PRH1: variants seen among roughly 807,000 people sequenced by gnomAD.
The protein encoded by PRH1 is salivary acidic proline-rich phosphoprotein 1/2.
Under a neutral mutation model 7.9 loss-of-function variants are expected in PRH1, and 7 were observed. The ratio of observed to expected loss-of-function variants is 0.89; its 90% CI spans 0.50 to 1.67. PRH1 has a LOEUF of 1.67. PRH1 is among the 40% of genes most tolerant of loss of function. The pLI, the probability that PRH1 is intolerant of heterozygous loss-of-function variation, is 0.00. For synonymous variants in PRH1, 45 were observed against 80.8 expected, an observed-to-expected ratio of 0.56 and a Z score of 2.38; for missense variants, 109 against 223.6, an observed-to-expected ratio of 0.49 and a Z score of 3.27.
chr12:10,908,494 T>C, intron 2 of PRH1: 1 of 1,613,916 alleles, frequency 6.2e-7, no homozygotes, highest in Non-Finnish European at 8.5e-7. Flanking sequence ...AAGACTCCAA[T>C]CGTCTCACAA....
chr12:11,070,781 A>C (rs1251728782), intron 1 of PRH1, among the ~76,000 whole-genome samples: 2 of 151,712 alleles, frequency 1.3e-5, no homozygotes, highest in Non-Finnish European at 1.5e-5. Flanking sequence ...ACTGTGGTCC[A>C]TGAGATGGAG....
upstream of PRH1, among the ~76,000 whole-genome samples, chr12:10,889,004 A>G (rs1371868960): frequency 2.6e-5 from 4 of 152,230 alleles, no homozygotes; most frequent in South Asian, 6.2e-4. Flanking sequence ...TCTCTCTTCC[A>G]TCTTCAATGC....
At chr12:11,099,464 TGAG>T (rs1386857997) in intron 1 of PRH1, among the ~76,000 whole-genome samples, 1 of 152,030 alleles carries the variant, frequency 6.6e-6, no homozygotes, top group Non-Finnish European at 1.5e-5. Context: ...TGGAGGAGGC[TGAG>T]GAGGGCAGAT....
chr12:11,132,337 G>GTTT (rs1281501828), intron 1 of PRH1, among the ~76,000 whole-genome samples: 3 of 148,138 alleles, frequency 2.0e-5, no homozygotes, highest in South Asian at 2.1e-4. Context: ...CACATTGACA[G>GTTT]ATTTTTTTTT....
chr12:10,953,380 G>T (rs1284070155), intron 2 of PRH1, among the ~76,000 whole-genome samples: 1 of 152,128 alleles, frequency 6.6e-6, no homozygotes, highest in African/African-American at 2.4e-5. Context: ...AAATGATACA[G>T]AAGACACAAA....
chr12:11,068,301 A>C (rs1223009365), intron 1 of PRH1, among the ~76,000 whole-genome samples: 1 of 152,174 alleles, frequency 6.6e-6, no homozygotes, highest in Non-Finnish European at 1.5e-5. Flanking sequence ...ATATATTAAA[A>C]ATATTTTTCT....
chr12:11,025,339 A>G (rs1319774757), intron 1 of PRH1, among the ~76,000 whole-genome samples: 4 of 152,218 alleles, frequency 2.6e-5, no homozygotes, highest in African/African-American at 4.8e-5. Context: ...ATGAAGGTCT[A>G]CTACTCTTTG....
chr12:10,884,261 A>G, upstream of PRH1: 32 of 1,612,022 alleles, frequency 2.0e-5, no homozygotes, highest in Non-Finnish European at 2.7e-5. Flanking sequence ...GTGCTGGGAG[A>G]AACGTGTCAG....
chr12:10,962,179 A>AT (rs1435836223), intron 2 of PRH1, among the ~76,000 whole-genome samples: 3 of 152,216 alleles, frequency 2.0e-5, no homozygotes, highest in African/African-American at 7.2e-5. Flanking sequence ...CTTTTCTGTG[A>AT]TTTTATAATA....
At chr12:11,149,060 T>C (rs1004178124) in intron 1 of PRH1, among the ~76,000 whole-genome samples, 3 of 151,634 alleles carry the variant, frequency 2.0e-5, no homozygotes, top group Admixed American at 6.6e-5. Context: ...CTAGATTTTC[T>C]AGTTTATTTG....
At chr12:11,025,870 T>A (rs74413410) in intron 1 of PRH1, among the ~76,000 whole-genome samples, 25,619 of 134,800 alleles carry the variant, frequency 0.19, no homozygotes, top group East Asian at 0.45. Context: ...TTCAGAATAA[T>A]CTTTTATTCT....
At chr12:11,131,626 G>C (rs941547694) in intron 1 of PRH1, among the ~76,000 whole-genome samples, 8 of 25,306 alleles carry the variant, frequency 3.2e-4, no homozygotes, top group South Asian at 5.8e-3. Flanking sequence ...TTAAAATATT[G>C]TAATAGTGGC....
intron 1 of PRH1, among the ~76,000 whole-genome samples, chr12:11,026,694 C>T (rs1371072235): frequency 6.6e-6 from 1 of 152,114 alleles, no homozygotes; most frequent in African/African-American, 2.4e-5. Context: ...CAAAACCAGA[C>T]GGGTTATAGA....
At chr12:11,002,731 C>T (rs1000711945) in intron 1 of PRH1, among the ~76,000 whole-genome samples, 9 of 151,988 alleles carry the variant, frequency 5.9e-5, no homozygotes, top group Non-Finnish European at 1.2e-4. Context: ...TCAAAGATTA[C>T]ACTAAATATG....
At position 10,938,373 on chromosome 12, in the gene PRH1, C is replaced by T. The variant is rs1265055736; in HGVS notation, c.-59+35282G>A. 5 of 1,613,984 alleles carry T rather than the reference C, an allele frequency of 3.1e-6. No individual in the cohort carries two copies. In the East Asian group the frequency reaches 6.7e-5, roughly 22 times the overall value. On this transcript the variant is annotated intron_variant, in intron 2 of 3. Transcript: ENST00000539853. The stretch of plus-strand genomic sequence containing the variant: ...AGCTTCTTGTTTCCAAGAATCAGAA[C>T]ACATGAGTGACATGAAGGATAAGCC...
chr12:11,128,153 T>TA (rs1189173901), intron 1 of PRH1, among the ~76,000 whole-genome samples: 1 of 151,184 alleles, frequency 6.6e-6, no homozygotes, highest in African/African-American at 2.4e-5. Context: ...CCTCAACAAT[T>TA]GTATAACTAT....
At chr12:11,169,510 A>G (rs942564412) in intron 1 of PRH1, among the ~76,000 whole-genome samples, 2 of 152,172 alleles carry the variant, frequency 1.3e-5, no homozygotes, top group Non-Finnish European at 2.9e-5. Flanking sequence ...AGGGTGGAAG[A>G]TAAGGTTTTC....
intron 1 of PRH1, among the ~76,000 whole-genome samples, chr12:11,023,421 A>C (rs188816613): frequency 1.3e-5 from 2 of 152,234 alleles, no homozygotes; most frequent in African/African-American, 4.8e-5. Flanking sequence ...GTATATTTAC[A>C]CTCAAGTCTG....
chr12:11,126,566 C>T (rs1946137465), intron 1 of PRH1, among the ~76,000 whole-genome samples: 1 of 152,178 alleles, frequency 6.6e-6, no homozygotes, highest in African/African-American at 2.4e-5. Context: ...GCAATTAAAA[C>T]TCAGTGATAT....
Sources: gnomAD v4.1 joint callset for allele counts (sites outside exome capture counted in the v4.1 genomes callset) on GRCh38, gnomAD v4.1.1 for gene constraint, MANE v1.5 for transcripts, NCBI Gene and HGNC (gene_info 2026-07-23, HGNC 2026-07-21) for gene names.